Variants in CFAP58 observed in about 807,000 individuals in gnomAD.
CFAP58 encodes cilia and flagella associated protein 58, also known as cilia- and flagella-associated protein 58.
In CFAP58, 88 loss-of-function variants were observed where a neutral mutation model predicts 119.5. That is an observed-to-expected ratio of 0.74 (90% CI 0.62 to 0.88). The LOEUF (loss-of-function observed/expected upper bound fraction) is 0.88, where lower values mean the gene tolerates loss of function less well. Among genes scored for constraint, CFAP58 ranks in the 40% least tolerant of loss-of-function variants. CFAP58 has a pLI of 0.00. For synonymous variants in CFAP58, 365 were observed against 366.3 expected (o/e 1.00, Z 0.04); for missense variants, 990 against 1,021.2 (o/e 0.97, Z 0.42).
At chr10:104,365,178 C>T (rs1049120517) in intron 4 of CFAP58, among the ~76,000 whole-genome samples, 2 of 152,150 alleles carry the variant, frequency 1.3e-5, no homozygotes, top group African/African-American at 2.4e-5. Context: ...GGCCAGGGGG[C>T]CCAACATCTG....
At chr10:104,365,684 A>G (rs2014733100) in intron 4 of CFAP58, 130 bp from the exon 5 acceptor site, 5 of 692,054 alleles carry the variant, frequency 7.2e-6, no homozygotes, top group Admixed American at 5.4e-5. Context: ...TGTCTGCCCT[A>G]TAGGGGAAAT....
chr10:104,360,087 T>C (rs2014645650), intron 2 of CFAP58, among the ~76,000 whole-genome samples: 1 of 152,256 alleles, frequency 6.6e-6, no homozygotes, highest in African/African-American at 2.4e-5. Flanking sequence ...TTTGTTACAT[T>C]AAATACTCTC....
At chr10:104,398,606 A>G (rs1259743807) in intron 11 of CFAP58, among the ~76,000 whole-genome samples, 1 of 152,196 alleles carries the variant, frequency 6.6e-6, no homozygotes, top group Non-Finnish European at 1.5e-5. Context: ...CTTAGGGGCC[A>G]GATTCAGGTC....
chr10:104,403,995 T>C (rs7087640), intron 14 of CFAP58, among the ~76,000 whole-genome samples, 155 bp downstream of exon 14: 81,923 of 152,130 alleles, frequency 0.54, 22,896 homozygotes, highest in African/African-American at 0.69. Flanking sequence ...AAATTGAGTT[T>C]TCTCAGAACC....
chr10:104,403,670 T>C (rs1265791108), intron 13 of CFAP58, 59 bp from the exon 14 acceptor site: 19 of 1,148,056 alleles, frequency 1.7e-5, no homozygotes, highest in Non-Finnish European at 2.2e-5. Flanking sequence ...TAATTAAAGA[T>C]AGATAGGATA....
chr10:104,420,379 GT>G (rs1476389011), intron 15 of CFAP58, among the ~76,000 whole-genome samples: 2 of 152,184 alleles, frequency 1.3e-5, no homozygotes, highest in Non-Finnish European at 2.9e-5. Context: ...TTAAAAACCG[GT>G]TTATACCTTA....
chr10:104,350,945 C>G (rs1381972698), upstream of CFAP58, among the ~76,000 whole-genome samples: 1 of 152,206 alleles, frequency 6.6e-6, no homozygotes, highest in Non-Finnish European at 1.5e-5. Context: ...AGACACACAG[C>G]CCTGCACTTG....
At position 104,362,037 on chromosome 10, in the gene CFAP58, C is replaced by A. The variant is rs781210482; in HGVS notation, c.306C>A (p.Ala102=). The A allele has an allele frequency of 3.1e-6, 5 of 1,613,690 alleles. No individual in the cohort carries two copies. The highest frequency in any genetic ancestry group is 2.7e-5 in the African/African-American group (2 of 74,888). ...IASLKKEIEK[A]WKMVDSAYDK... ...GGCCCATCTAGGAAATTGAAAAGGC[C>A]TGGAAGATGGTGGACTCAGCCTATG... The change falls in exon 3 of 18, where the codon GCC becomes GCA. Residue 102 remains alanine (A), a synonymous_variant. Transcript: ENST00000369704.
In CFAP58 at chr10:104,431,120, C is replaced by T. The variant is rs118125622; in HGVS notation, c.2257-16578C>T. On this transcript the variant is annotated intron_variant, in intron 15 of 17. Coordinates refer to ENST00000369704, the MANE Select transcript of CFAP58 (RefSeq NM_001008723.2). Reference sequence around the variant, plus strand: ...TGATGTAATCTGAATGAGGGCACTACTGGGAGTGGCAGAGAGTTGTTTAGT... The same window carrying T: ...TGATGTAATCTGAATGAGGGCACTATTGGGAGTGGCAGAGAGTTGTTTAGT... 7.4e-3 allele frequency among the ~76,000 whole-genome samples: 1,126 copies of T among 152,298 alleles called. 14 individuals carry two copies. The highest frequency in any genetic ancestry group is 0.053 in the South Asian group (254 of 4,828).
At chr10:104,362,831 G>A (rs2014689853) in intron 3 of CFAP58, among the ~76,000 whole-genome samples, 1 of 152,140 alleles carries the variant, frequency 6.6e-6, no homozygotes, top group Non-Finnish European at 1.5e-5. Flanking sequence ...ACTTTCAATA[G>A]CTACCCATAC....
intron 1 of CFAP58, among the ~76,000 whole-genome samples, chr10:104,357,802 C>CATAT (rs1564875293): frequency 7.4e-6 from 1 of 135,978 alleles, no homozygotes; most frequent in African/African-American, 3.3e-5. Context: ...CATATATATA[C>CATAT]ACACATATAT....
the CFAP58 span, among the ~76,000 whole-genome samples, chr10:104,345,206 G>T: frequency 2.0e-5 from 3 of 151,958 alleles, no homozygotes; most frequent in Admixed American, 6.5e-5. Flanking sequence ...TTTTATAGAT[G>T]CCTATCCTTG....
intron 11 of CFAP58, among the ~76,000 whole-genome samples, chr10:104,394,475 T>C (rs777647149): frequency 6.6e-6 from 1 of 152,228 alleles, no homozygotes; most frequent in Non-Finnish European, 1.5e-5. Context: ...TTGGGCAGGC[T>C]CAATGCCATA....
Position 104,366,309 on chromosome 10 carries a change from C to G in CFAP58, c.792+301C>G, listed in dbSNP as rs571827435. ...ACAAGTGGACAGCTTGATGAATTTT[C>G]ACCACTCAACCGCATCTTGGTCACC... On this transcript the variant is annotated intron_variant, in intron 5 of 17. Transcript: ENST00000369704. 1.1e-4 allele frequency among the ~76,000 whole-genome samples: 16 copies of G among 152,156 alleles called. No homozygotes were observed. In the South Asian group the frequency reaches 3.3e-3, roughly 32 times the overall value.
intron 11 of CFAP58, among the ~76,000 whole-genome samples, chr10:104,397,974 T>A (rs2012194079): frequency 6.6e-6 from 1 of 152,248 alleles, no homozygotes; most frequent in Non-Finnish European, 1.5e-5. Flanking sequence ...AACTCTCTAA[T>A]TCAGCCATAC....
intron 9 of CFAP58, among the ~76,000 whole-genome samples, chr10:104,382,894 A>G (rs1043251378): frequency 7.2e-5 from 11 of 152,214 alleles, no homozygotes; most frequent in Non-Finnish European, 2.9e-5. Context: ...TTGTAGCAGT[A>G]TGAAAATGGA....
chr10:104,347,693 T>A, the CFAP58 span, among the ~76,000 whole-genome samples: 364 of 152,224 alleles, frequency 2.4e-3, 3 homozygotes, highest in African/African-American at 7.7e-3. Flanking sequence ...ATTTTTTTTT[T>A]ATTTCTGATA....
At chr10:104,447,865 T>C in intron 16 of CFAP58, 48 bp downstream of exon 16, 2 of 1,545,106 alleles carry the variant, frequency 1.3e-6, no homozygotes, top group Non-Finnish European at 8.8e-7. Flanking sequence ...AGCCACACTC[T>C]GGGGAGCACA....
chr10:104,374,835 G>A (rs1471149011), intron 7 of CFAP58, among the ~76,000 whole-genome samples: 5 of 142,538 alleles, frequency 3.5e-5, no homozygotes, highest in Non-Finnish European at 6.1e-5. Flanking sequence ...CAGGATTATT[G>A]CTTATAACTG....
Sources: gnomAD v4.1 joint callset for allele counts (sites outside exome capture counted in the v4.1 genomes callset) on GRCh38, gnomAD v4.1.1 for gene constraint, MANE v1.5 for transcripts, NCBI Gene and HGNC (gene_info 2026-07-23, HGNC 2026-07-21) for gene names.